Variants in TAGLN2 observed in about 807,000 individuals in gnomAD.
The protein encoded by TAGLN2 is transgelin 2.
In TAGLN2, 14 loss-of-function variants were observed where a neutral mutation model predicts 24.9. The observed-to-expected ratio is 0.56, with a 90% confidence interval of 0.37 to 0.88. TAGLN2 has a LOEUF of 0.88. TAGLN2 is among the 40% of genes least tolerant of loss of function. The pLI, the probability that TAGLN2 is intolerant of heterozygous loss-of-function variation, is 0.00. For synonymous variants in TAGLN2, 77 were observed against 98.2 expected (o/e 0.78, Z 1.28); for missense variants, 208 against 258.9 (o/e 0.80, Z 1.35).
chr1:159,923,921 G>T (rs1213472935), intron 1 of TAGLN2, among the ~76,000 whole-genome samples: 1 of 152,196 alleles, frequency 6.6e-6, no homozygotes, highest in Admixed American at 6.5e-5. Flanking sequence ...GCAGAAGTGG[G>T]ATCGTCTCAG....
chr1:159,920,225 C>G, intron 2 of TAGLN2, 105 bp downstream of exon 2: 1 of 1,562,598 alleles, frequency 6.4e-7, no homozygotes, highest in South Asian at 1.1e-5. Flanking sequence ...GAGGCTGGGA[C>G]ATGTGTGCCT....
At chr1:159,923,658 G>T in intron 1 of TAGLN2, 1 of 511,724 alleles carries the variant, frequency 2.0e-6, no homozygotes, top group Non-Finnish European at 3.4e-6. Context: ...ACAGCCAGCA[G>T]CAAGGATGGG....
intron 1 of TAGLN2, among the ~76,000 whole-genome samples, chr1:159,920,769 C>T (rs191589006): frequency 6.6e-6 from 1 of 152,200 alleles, no homozygotes; most frequent in African/African-American, 2.4e-5. Context: ...TGGATCTACC[C>T]TCCCTCAACC....
chr1:159,919,050 C>T lies in TAGLN2; in HGVS notation c.459-109G>A, dbSNP rs1342579879. On this transcript the variant is annotated intron_variant, in intron 4 of 4. Coordinates refer to ENST00000368097, the MANE Select transcript of TAGLN2 (RefSeq NM_003564.3). ...GTTGGCTCAAGGGCTGGTGCCAGCT[C>T]TGCCCTCGAGAGCCATAAGCTCTCT... 2.6e-6 allele frequency: 4 copies of T among 1,534,118 alleles called. No homozygotes were observed. In the South Asian group the frequency reaches 4.9e-5, roughly 19 times the overall value.
rs749989767 is a variant in TAGLN2, at chr1:159,920,124, G to A, written c.180+206C>T. 8.2e-6 allele frequency: 7 copies of A among 856,310 alleles called. No individual in the cohort carries two copies. The South Asian group carries it at 9.9e-5, about 12-fold the overall frequency. 53.0% of individuals were successfully genotyped at this position (856,310 alleles called of 1,614,324 possible). A position where few individuals can be genotyped will look rare whatever the true frequency, so the allele number is the denominator to read the frequency against. Reference sequence around the variant, plus strand: ...GTCACCTCAGTCTTCCACTGCCTGGGAGGCACATTCACCCTTACCCTCCAC... The same window carrying A: ...GTCACCTCAGTCTTCCACTGCCTGGAAGGCACATTCACCCTTACCCTCCAC... On this transcript the variant is annotated intron_variant, in intron 2 of 4. Transcript: ENST00000368097.
chr1:159,920,568 C>T (rs1374289933), intron 1 of TAGLN2, 31 bp from the exon 2 acceptor site: 5 of 1,595,540 alleles, frequency 3.1e-6, no homozygotes, highest in Non-Finnish European at 4.3e-6. Context: ...GGCTTTTGGT[C>T]AACACCTTGC....
chr1:159,919,448 G>A, intron 3 of TAGLN2, 72 bp from the exon 4 acceptor site: 1 of 1,509,460 alleles, frequency 6.6e-7, no homozygotes, highest in Non-Finnish European at 9.2e-7. Flanking sequence ...CTATCGCTAA[G>A]TCAGCAGGCC....
At position 159,919,348 on chromosome 1, in the gene TAGLN2, C is replaced by T. The variant is rs1338431635; in HGVS notation, c.384G>A (p.Thr128=). The change falls in exon 4 of 5, where the codon ACG becomes ACA. Residue 128 remains threonine, a synonymous_variant. Coordinates refer to ENST00000368097, the MANE Select transcript of TAGLN2 (RefSeq NM_003564.3). Reference sequence around the variant, plus strand: ...CTGCCAGCCCACCCAGATTCATCAGCGTCCGCTGCACACAGGCCATGTTCT... The same window carrying T: ...CTGCCAGCCCACCCAGATTCATCAGTGTCCGCTGCACACAGGCCATGTTCT... The part of the protein sequence containing the change: ...EGKNMACVQR[T]LMNLGGLAVA... The T allele has an allele frequency of 5.6e-6, 9 of 1,614,236 alleles. No individual in the cohort carries two copies. Among genetic ancestry groups the T allele is most frequent in the South Asian group, 2.2e-5 (2 of 91,086 alleles).
At chr1:159,919,892 G>C in intron 2 of TAGLN2, 57 bp from the exon 3 acceptor site, 1 of 1,578,960 alleles carries the variant, frequency 6.3e-7, no homozygotes, top group East Asian at 2.2e-5. Context: ...TCGCAGCTCA[G>C]CGTGCACCAC....
At chr1:159,919,918 CA>C in intron 2 of TAGLN2, 83 bp from the exon 3 acceptor site, 1 of 1,481,166 alleles carries the variant, frequency 6.8e-7, no homozygotes. Context: ...GAACCAGAGA[CA>C]ATGAACCAGA....
rs746248989 is a variant in TAGLN2, at chr1:159,919,727, G to A, written c.289C>T (p.Leu97=). The A allele has an allele frequency of 1.2e-5, 19 of 1,613,784 alleles. No homozygotes were observed. Among genetic ancestry groups the A allele is most frequent in the Admixed American group, 6.7e-5 (4 of 60,000 alleles). ...FKQMEQISQF[L]QAAERYGINT... ...ATGCCATAGCGCTCAGCTGCTTGCAGGAACTGAGAGATCTGCTCCATCTGC... is the reference window on the plus strand; with the variant it reads ...ATGCCATAGCGCTCAGCTGCTTGCAAGAACTGAGAGATCTGCTCCATCTGC... Residue 97 remains leucine, a synonymous_variant, in exon 3 of 5, where the codon CTG becomes TTG. Transcript: ENST00000368097.
intron 1 of TAGLN2, among the ~76,000 whole-genome samples, chr1:159,922,814 C>G (rs149262843): frequency 2.0e-5 from 3 of 152,336 alleles, no homozygotes; most frequent in Non-Finnish European, 2.9e-5. Context: ...CCCCAACCCC[C>G]CAAGGCAGGA....
At chr1:159,923,207 T>C (rs974413920) in intron 1 of TAGLN2, among the ~76,000 whole-genome samples, 1 of 152,098 alleles carries the variant, frequency 6.6e-6, no homozygotes, top group Admixed American at 6.5e-5. Context: ...TGAGAAGAGA[T>C]ATGCCCAGCT....
At chr1:159,921,157 T>C (rs574086961) in intron 1 of TAGLN2, among the ~76,000 whole-genome samples, 3 of 140,944 alleles carry the variant, frequency 2.1e-5, no homozygotes, top group African/African-American at 7.5e-5. Context: ...CTAGGAGCTA[T>C]GACAGGCAGA....
In TAGLN2 at chr1:159,920,489, T is replaced by G. The variant is rs761159852; in HGVS notation, c.21A>C (p.Ala7=). Residue 7 remains alanine (A), a synonymous_variant, in exon 2 of 5, where the codon GCA becomes GCC. Transcript: ENST00000368097. MANRGP[A]YGLSREVQQK... is the part of the protein sequence containing the mutation. Reference sequence around the variant, plus strand: ...GCTGCACCTCCCGGCTCAGGCCATATGCAGGTCCCCTGTTGGCCATTCCAA... The same window carrying G: ...GCTGCACCTCCCGGCTCAGGCCATAGGCAGGTCCCCTGTTGGCCATTCCAA... 1.2e-6 allele frequency: 2 copies of G among 1,614,132 alleles called. No individual in the cohort carries two copies. The highest frequency in any genetic ancestry group is 3.3e-5 in the Admixed American group (2 of 60,014).
At position 159,919,307 on chromosome 1, in the gene TAGLN2, C is replaced by A. The variant is rs1650443900; in HGVS notation, c.425G>T (p.Gly142Val). The change falls in exon 4 of 5, where the codon GGG becomes GTG. Residue 142 changes from glycine to valine, a missense_variant. Physicochemically the swap from Gly to Val is moderately radical, Grantham distance 109. Transcript: ENST00000368097. ...LGGLAVARDD[G>V]LFSGDPNWFP... is the part of the protein sequence containing the mutation. ...CCAGTTGGGATCCCCAGAGAAGAGC[C>A]CATCATCTCGGGCTACTGCCAGCCC... 1 of 1,614,210 alleles carries A rather than the reference C, an allele frequency of 6.2e-7. No homozygotes were observed. Among genetic ancestry groups the A allele is most frequent in the African/African-American group, 1.3e-5 (1 of 75,044 alleles).
intron 1 of TAGLN2, among the ~76,000 whole-genome samples, chr1:159,922,799 G>C (rs1650576234): frequency 6.6e-6 from 1 of 152,220 alleles, no homozygotes; most frequent in Non-Finnish European, 1.5e-5. Flanking sequence ...GACACTTCCA[G>C]TGCCCCCCAA....
Position 159,920,441 on chromosome 1 carries a change from A to G in TAGLN2, c.69T>C (p.Asp23=), listed in dbSNP as rs534662095. ...EVQQKIEKQY[D]ADLEQILIQW... ...GGATCAGGATCTGCTCCAGATCTGC[A>G]TCATATTGTTTCTCAATCTTCTGCT... Residue 23 remains aspartate (D), a synonymous_variant, in exon 2 of 5, where the codon GAT becomes GAC. Coordinates refer to ENST00000368097, the MANE Select transcript of TAGLN2 (RefSeq NM_003564.3). 1.7e-5 allele frequency: 28 copies of G among 1,614,220 alleles called. No homozygotes were observed. In the South Asian group the frequency reaches 3.1e-4, roughly 18 times the overall value.
At chr1:159,921,277 G>T (rs1290682877) in intron 1 of TAGLN2, among the ~76,000 whole-genome samples, 1 of 152,144 alleles carries the variant, frequency 6.6e-6, no homozygotes, top group Non-Finnish European at 1.5e-5. Context: ...CTCGAAATGG[G>T]GAGATTATCC....
Sources: gnomAD v4.1 joint callset for allele counts (sites outside exome capture counted in the v4.1 genomes callset) on GRCh38, gnomAD v4.1.1 for gene constraint, MANE v1.5 for transcripts, NCBI Gene and HGNC (gene_info 2026-07-23, HGNC 2026-07-21) for gene names.